Variants in CADM2 observed in about 807,000 individuals in gnomAD.
CADM2 encodes cell adhesion molecule 2.
Under a neutral mutation model 49.8 loss-of-function variants are expected in CADM2, and 12 were observed. The observed-to-expected ratio is 0.24, with a 90% CI of 0.15 to 0.39. CADM2 has a LOEUF of 0.39. Among genes scored for constraint, CADM2 ranks in the 10% least tolerant of loss-of-function variants. CADM2 has a pLI of 1.00. For missense variants in CADM2, 378 were observed against 492.3 expected, an observed-to-expected ratio of 0.77 and a Z score of 2.20; for synonymous variants, 214 against 175.4, an observed-to-expected ratio of 1.22 and a Z score of -1.74.
intron 1 of CADM2, among the ~76,000 whole-genome samples, chr3:85,368,979 A>T (rs2033000287): frequency 6.6e-6 from 1 of 152,096 alleles, no homozygotes; most frequent in Non-Finnish European, 1.5e-5. Flanking sequence ...GTTGTACTTT[A>T]TCTTGGAGAA....
chr3:85,702,674 A>AT (rs951364931), intron 1 of CADM2, among the ~76,000 whole-genome samples: 1 of 152,046 alleles, frequency 6.6e-6, no homozygotes, highest in Non-Finnish European at 1.5e-5. Context: ...TGATAACTTT[A>AT]TTTTTTTCAT....
intron 3 of CADM2, among the ~76,000 whole-genome samples, chr3:85,828,674 A>G (rs1219690416): frequency 6.6e-6 from 1 of 151,860 alleles, no homozygotes; most frequent in African/African-American, 2.4e-5. Flanking sequence ...CCTGACTTCT[A>G]TCATCATTGA....
Position 85,808,330 on chromosome 3 carries a change from C to T in CADM2, c.238+6134C>T, listed in dbSNP as rs116296783. ...CTTTCTTTTTACATAAATCTTAGCACCTCTGTTATAAATAGTTGATAAGCA... is the reference window on the plus strand; with the variant it reads ...CTTTCTTTTTACATAAATCTTAGCATCTCTGTTATAAATAGTTGATAAGCA... On this transcript the variant is annotated intron_variant, in intron 3 of 9. Transcript: ENST00000383699. Among the ~76,000 whole-genome samples the T allele has an allele frequency of 4.2e-3, 635 of 152,132 alleles. 3 individuals are homozygous for T. The highest frequency in any genetic ancestry group is 0.014 in the African/African-American group (585 of 41,494).
chr3:85,537,929 C>T (rs2061460958), intron 1 of CADM2, among the ~76,000 whole-genome samples: 1 of 152,058 alleles, frequency 6.6e-6, no homozygotes, highest in Non-Finnish European at 1.5e-5. Flanking sequence ...GCTTGATGGT[C>T]ATGCCAGAAA....
At chr3:85,823,166 G>T (rs1316782939) in intron 3 of CADM2, among the ~76,000 whole-genome samples, 3 of 151,994 alleles carry the variant, frequency 2.0e-5, no homozygotes, top group Non-Finnish European at 2.9e-5. Flanking sequence ...GTGTAAACTT[G>T]GTGCCTCAAC....
chr3:84,994,379 T>C (rs2033065695), intron 1 of CADM2, among the ~76,000 whole-genome samples: 1 of 152,200 alleles, frequency 6.6e-6, no homozygotes. Flanking sequence ...TAAATACACT[T>C]AGGCTATATT....
chr3:85,066,856 A>G (rs1262388625), intron 1 of CADM2, among the ~76,000 whole-genome samples: 2 of 152,100 alleles, frequency 1.3e-5, no homozygotes, highest in Admixed American at 6.6e-5. Flanking sequence ...CTTAAGGTAT[A>G]TTTTCCAGAC....
chr3:85,666,008 A>C (rs1327182361), intron 1 of CADM2, among the ~76,000 whole-genome samples: 2 of 152,018 alleles, frequency 1.3e-5, no homozygotes, highest in African/African-American at 4.8e-5. Context: ...TCTCAGCCCA[A>C]AATCTCCTTA....
chr3:85,965,844 C>A (rs1368452199), intron 8 of CADM2, among the ~76,000 whole-genome samples: 1 of 151,562 alleles, frequency 6.6e-6, no homozygotes, highest in Non-Finnish European at 1.5e-5. Flanking sequence ...TATGCTAATT[C>A]TGTTTTGTGA....
At chr3:85,423,156 G>A (rs554836057) in intron 1 of CADM2, among the ~76,000 whole-genome samples, 1 of 152,062 alleles carries the variant, frequency 6.6e-6, no homozygotes, top group Non-Finnish European at 1.5e-5. Flanking sequence ...CAGACCTCCA[G>A]ACAAACTCCT....
chr3:85,002,284 T>G (rs2033502246), intron 1 of CADM2, among the ~76,000 whole-genome samples: 1 of 152,182 alleles, frequency 6.6e-6, no homozygotes, highest in African/African-American at 2.4e-5. Context: ...TTTACTTTTG[T>G]GGTGTCTTAC....
At chr3:85,274,570 G>A (rs1352545725) in intron 1 of CADM2, among the ~76,000 whole-genome samples, 3 of 151,302 alleles carry the variant, frequency 2.0e-5, no homozygotes, top group Non-Finnish European at 4.4e-5. Context: ...TGATTCATTC[G>A]ATAGTCCAAG....
intron 1 of CADM2, among the ~76,000 whole-genome samples, chr3:85,282,577 A>G (rs1284192658): frequency 6.6e-6 from 1 of 151,672 alleles, no homozygotes; most frequent in Non-Finnish European, 1.5e-5. Flanking sequence ...CAGGCATCAA[A>G]TATATTTTTA....
chr3:85,788,477 T>G (rs994430098), intron 2 of CADM2, among the ~76,000 whole-genome samples: 3 of 150,538 alleles, frequency 2.0e-5, no homozygotes, highest in African/African-American at 7.5e-5. Flanking sequence ...AATGCAATTA[T>G]TTTAATTTTT....
chr3:85,448,922 C>T (rs1308746829), intron 1 of CADM2, among the ~76,000 whole-genome samples: 1 of 151,538 alleles, frequency 6.6e-6, no homozygotes, highest in Admixed American at 6.6e-5. Context: ...TGGTGGTGCG[C>T]GCCTGTAATC....
chr3:85,010,335 G>T (rs1330497313), intron 1 of CADM2, among the ~76,000 whole-genome samples: 1 of 152,100 alleles, frequency 6.6e-6, no homozygotes, highest in African/African-American at 2.4e-5. Context: ...AACCTAAAAG[G>T]ATATTTGATA....
At chr3:85,600,301 A>G (rs1231691102) in intron 1 of CADM2, among the ~76,000 whole-genome samples, 2 of 151,964 alleles carry the variant, frequency 1.3e-5, no homozygotes, top group African/African-American at 2.4e-5. Flanking sequence ...CTGAGGTCCT[A>G]AGAGATTCAA....
intron 1 of CADM2, among the ~76,000 whole-genome samples, chr3:85,309,417 T>C (rs2044290256): frequency 6.6e-6 from 1 of 152,104 alleles, no homozygotes; most frequent in Non-Finnish European, 1.5e-5. Flanking sequence ...GCCCATGCAA[T>C]TTGCTTAGCC....
At position 85,855,617 on chromosome 3, in the gene CADM2, A is replaced by ATATAT. The variant is rs374763892; in HGVS notation, c.239-27674_239-27673insTATAT. Among the ~76,000 whole-genome samples, 328 of 42,318 alleles carry ATATAT rather than the reference A, an allele frequency of 7.8e-3. 8 individuals are homozygous for ATATAT. Among genetic ancestry groups the ATATAT allele is most frequent in the Admixed American group, 0.01 (39 of 3,796 alleles). 27.8% of individuals were successfully genotyped at this position (42,318 alleles called of 152,430 possible). On this transcript the variant is annotated intron_variant, in intron 3 of 9. Transcript: ENST00000383699. ...ATATATAAAACATATATATATATAT[A>ATATAT]AAACATATATATATATATATATATT...
Sources: gnomAD v4.1 joint callset for allele counts (sites outside exome capture counted in the v4.1 genomes callset) on GRCh38, gnomAD v4.1.1 for gene constraint, MANE v1.5 for transcripts, NCBI Gene and HGNC (gene_info 2026-07-23, HGNC 2026-07-21) for gene names.